Variants in GNAT3 observed in about 807,000 individuals in gnomAD.
GNAT3 encodes the protein G protein subunit alpha transducin 3, also known as guanine nucleotide-binding protein G(t) subunit alpha-3.
GNAT3 carries 31 observed loss-of-function variants against 37.7 expected under a neutral mutation model. That is an observed-to-expected ratio of 0.82 (90% CI 0.62 to 1.11). The LOEUF is 1.11. Ranked by LOEUF, GNAT3 falls within the 50% of genes most tolerant of loss-of-function variation. The probability of loss-of-function intolerance (pLI) is 0.00; values close to 1 mark genes in which losing one functional copy is unlikely to be tolerated. For missense variants in GNAT3, 437 were observed against 412.5 expected (o/e 1.06, Z -0.51); for synonymous variants, 138 against 139.8 (o/e 0.99, Z 0.09).
At chr7:80,502,927 AT>A (rs1790863092) in intron 1 of GNAT3, among the ~76,000 whole-genome samples, 1 of 152,100 alleles carries the variant, frequency 6.6e-6, no homozygotes, top group African/African-American at 2.4e-5. Context: ...CAAACTTAAA[AT>A]TTCTGCATTA....
At chr7:80,470,512 C>T (rs772179127) in intron 5 of GNAT3, among the ~76,000 whole-genome samples, 1 of 152,196 alleles carries the variant, frequency 6.6e-6, no homozygotes, top group Non-Finnish European at 1.5e-5. Flanking sequence ...TGAGCCACCA[C>T]GCCCAGCCAA....
chr7:80,486,462 T>TC (rs1218237553), intron 3 of GNAT3: 2 of 151,794 alleles, frequency 1.3e-5, no homozygotes, highest in African/African-American at 4.8e-5. Flanking sequence ...TTTTTTTTTT[T>TC]CAAGACAGGG....
intron 3 of GNAT3, among the ~76,000 whole-genome samples, chr7:80,488,093 AT>A: frequency 6.6e-6 from 1 of 152,174 alleles, no homozygotes; most frequent in Non-Finnish European, 1.5e-5. Context: ...TCAAGTAATC[AT>A]TTCCCTGTTG....
intron 7 of GNAT3, among the ~76,000 whole-genome samples, chr7:80,461,415 G>A (rs1213292297): frequency 6.6e-6 from 1 of 152,046 alleles, no homozygotes; most frequent in Non-Finnish European, 1.5e-5. Context: ...TGGGTGTTGT[G>A]GCGTGCACCA....
Position 80,474,296 on chromosome 7 carries a change from G to A in GNAT3, c.545C>T (p.Thr182Ile), listed in dbSNP as rs1481852685. ...QDVLHSRVKT[T>I]GIIETQFSFK... is the part of the protein sequence containing the mutation. Reference sequence around the variant, plus strand: ...GGAGAATTGAGTTTCAATGATTCCAGTCGTTTTCACTCGAGAATGGAGAAC... The same window carrying A: ...GGAGAATTGAGTTTCAATGATTCCAATCGTTTTCACTCGAGAATGGAGAAC... The change falls in exon 5 of 8, where the codon ACT (threonine) becomes ATT (isoleucine). Residue 182 changes from threonine (T) to isoleucine (I), a missense_variant. Thr to Ile is a moderately conservative substitution (Grantham distance 89). Coordinates refer to ENST00000398291, the MANE Select transcript of GNAT3 (RefSeq NM_001102386.3). 2 of 1,593,858 alleles carry A rather than the reference G, an allele frequency of 1.3e-6. No individual in the cohort carries two copies. Among genetic ancestry groups the A allele is most frequent in the South Asian group, 1.1e-5 (1 of 88,030 alleles).
chr7:80,504,237 G>T (rs1790889467), intron 1 of GNAT3, among the ~76,000 whole-genome samples: 1 of 152,116 alleles, frequency 6.6e-6, no homozygotes, highest in Non-Finnish European at 1.5e-5. Flanking sequence ...GATCACTTGA[G>T]CCCAGGAAGT....
intron 1 of GNAT3, among the ~76,000 whole-genome samples, chr7:80,510,334 A>T (rs117199280): frequency 4.4e-4 from 67 of 152,186 alleles, no homozygotes; most frequent in Non-Finnish European, 7.6e-4. Context: ...TTTTTACAAA[A>T]TAAGAGAATA....
At chr7:80,501,842 A>G (rs1051107545) in intron 1 of GNAT3, among the ~76,000 whole-genome samples, 1 of 152,034 alleles carries the variant, frequency 6.6e-6, no homozygotes, top group African/African-American at 2.4e-5. Context: ...AGATATACTT[A>G]TATGACTACA....
chr7:80,480,564 G>C (rs1265287506), intron 3 of GNAT3, among the ~76,000 whole-genome samples: 1 of 152,038 alleles, frequency 6.6e-6, no homozygotes, highest in Non-Finnish European at 1.5e-5. Flanking sequence ...TAAAAGAATG[G>C]CTACTCCATA....
At chr7:80,468,998 A>C (rs1364662935) in intron 5 of GNAT3, among the ~76,000 whole-genome samples, 1 of 152,142 alleles carries the variant, frequency 6.6e-6, no homozygotes, top group East Asian at 1.9e-4. Flanking sequence ...CATGCCTGAA[A>C]CAAATATATA....
At chr7:80,502,736 T>C (rs143451911) in intron 1 of GNAT3, among the ~76,000 whole-genome samples, 69 of 151,982 alleles carry the variant, frequency 4.5e-4, no homozygotes, top group African/African-American at 1.6e-3. Context: ...TTGAATATCC[T>C]AAATTATCAT....
At chr7:80,501,043 A>C (rs1186305990) in intron 1 of GNAT3, among the ~76,000 whole-genome samples, 2 of 152,136 alleles carry the variant, frequency 1.3e-5, no homozygotes, top group African/African-American at 4.8e-5. Flanking sequence ...TAATAAATTG[A>C]AAAGAATTTT....
intron 3 of GNAT3, among the ~76,000 whole-genome samples, chr7:80,482,296 C>T (rs1790403456): frequency 6.6e-6 from 1 of 152,124 alleles, no homozygotes; most frequent in Non-Finnish European, 1.5e-5. Flanking sequence ...CTTTCACTAG[C>T]ATCATGCTAT....
chr7:80,479,332 C>A (rs758855245), intron 3 of GNAT3, among the ~76,000 whole-genome samples: 27 of 151,578 alleles, frequency 1.8e-4, no homozygotes, highest in Admixed American at 1.5e-3. Flanking sequence ...ACATATTATA[C>A]CAAGGTAAAA....
chr7:80,498,450 T>A (rs1390286326), intron 1 of GNAT3, among the ~76,000 whole-genome samples: 1 of 152,198 alleles, frequency 6.6e-6, no homozygotes, highest in Admixed American at 6.5e-5. Flanking sequence ...CAGTCTTCTA[T>A]GTAAAGGTCC....
intron 1 of GNAT3, among the ~76,000 whole-genome samples, chr7:80,510,799 G>A (rs570828307): frequency 5.9e-5 from 9 of 152,190 alleles, no homozygotes; most frequent in South Asian, 2.1e-4. Context: ...TAGACACAAC[G>A]AAGGAATACT....
chr7:80,510,816 A>C (rs2116240612), intron 1 of GNAT3, among the ~76,000 whole-genome samples: 1 of 152,286 alleles, frequency 6.6e-6, no homozygotes, highest in East Asian at 1.9e-4. Flanking sequence ...TACTTAAATA[A>C]GTTTAAGTAT....
chr7:80,478,327 AT>A (rs1311023475), intron 4 of GNAT3, among the ~76,000 whole-genome samples: 1 of 152,204 alleles, frequency 6.6e-6, no homozygotes, highest in African/African-American at 2.4e-5. Flanking sequence ...AATTTATAGA[AT>A]TTTTTGAGAC....
chr7:80,488,401 TTAA>T, intron 3 of GNAT3, 131 bp downstream of exon 3: 1 of 656,432 alleles, frequency 1.5e-6, no homozygotes. Context: ...CAAAACAGAA[TTAA>T]TGTTTCAAAA....
Sources: gnomAD v4.1 joint callset for allele counts (sites outside exome capture counted in the v4.1 genomes callset) on GRCh38, gnomAD v4.1.1 for gene constraint, MANE v1.5 for transcripts, NCBI Gene and HGNC (gene_info 2026-07-23, HGNC 2026-07-21) for gene names.